TLR3: variants seen among roughly 807,000 people sequenced by gnomAD.
TLR3 encodes the protein toll-like receptor 3.
TLR3 carries 43 observed loss-of-function variants against 66.4 expected under a neutral mutation model. That is an observed-to-expected ratio of 0.65 (90% CI 0.51 to 0.83). The LOEUF is 0.83. TLR3 is among the 40% of genes least tolerant of loss of function. The pLI, the probability that TLR3 is intolerant of heterozygous loss-of-function variation, is 0.00. For synonymous variants in TLR3, 397 were observed against 397.2 expected (o/e 1.00, Z 0.01); for missense variants, 982 against 1,044.6 (o/e 0.94, Z 0.83).
rs2099304257 is a variant in TLR3, at chr4:186,085,814, A to T, written c.*941A>T. ...TAAAATAATGTGCTACGCATAAGGT[A>T]GTCCTTATCTAGAAAGACTATTTTT... On this transcript the variant is annotated 3_prime_UTR_variant, in exon 5 of 5. Coordinates refer to ENST00000296795, the MANE Select transcript of TLR3 (RefSeq NM_003265.3). The T allele has an allele frequency of 6.6e-6, 1 of 152,214 alleles. No individual in the cohort carries two copies. The highest frequency in any genetic ancestry group is 1.5e-5 in the Non-Finnish European group (1 of 68,048). The allele number at this position is 152,214 out of a possible 1,614,324, so 9.4% of individuals were successfully genotyped here.
chr4:186,081,174 C>T (rs2099303371), intron 3 of TLR3, among the ~76,000 whole-genome samples: 1 of 151,230 alleles, frequency 6.6e-6, no homozygotes, highest in Non-Finnish European at 1.5e-5. Context: ...GAGGCTGAGG[C>T]AAGAGAATCG....
Position 186,082,419 on chromosome 4 carries a change from T to C in TLR3, c.733T>C (p.Leu245=), listed in dbSNP as rs942778493. Residue 245 remains leucine (L), a synonymous_variant, in exon 4 of 5, where the codon TTA becomes CTA. Coordinates refer to ENST00000296795, the MANE Select transcript of TLR3 (RefSeq NM_003265.3). The part of the protein sequence containing the change: ...PSLTEKLCLE[L]ANTSIRNLSL... ...CCTTACAGAGAAGCTATGTTTGGAA[T>C]TAGCAAACACAAGCATTCGGAATCT... is the stretch of plus-strand genomic sequence containing the variant. 3.1e-6 allele frequency: 5 copies of C among 1,613,958 alleles called. No homozygotes were observed. Among genetic ancestry groups the C allele is most frequent in the Non-Finnish European group, 4.2e-6 (5 of 1,180,014 alleles).
intron 1 of TLR3, among the ~76,000 whole-genome samples, chr4:186,074,577 A>G (rs1327910715): frequency 6.6e-6 from 1 of 152,184 alleles, no homozygotes; most frequent in Non-Finnish European, 1.5e-5. Flanking sequence ...GACTTTATGA[A>G]CACTGCACAC....
chr4:186,080,884 G>T (rs1298593236), intron 3 of TLR3, among the ~76,000 whole-genome samples: 1 of 152,152 alleles, frequency 6.6e-6, no homozygotes. Context: ...GAGCCACCGC[G>T]CCCAGCCTGG....
chr4:186,070,920 G>T (rs1351949249), intron 1 of TLR3, among the ~76,000 whole-genome samples: 1 of 152,172 alleles, frequency 6.6e-6, no homozygotes, highest in African/African-American at 2.4e-5. Context: ...TGCCCAGGCT[G>T]GTGTTGAGCT....
chr4:186,070,965 C>T (rs763047291), intron 1 of TLR3, among the ~76,000 whole-genome samples: 49 of 152,176 alleles, frequency 3.2e-4, no homozygotes, highest in African/African-American at 1.1e-3. Flanking sequence ...TCTAAAGTGC[C>T]GGGATTGTGG....
intron 3 of TLR3, chr4:186,081,705 G>A (rs1179507718): frequency 6.5e-6 from 1 of 152,944 alleles, no homozygotes; most frequent in African/African-American, 2.4e-5. Flanking sequence ...AAAAGTACCA[G>A]GAGATGGATC....
chr4:186,080,513 T>C (rs1455651671), intron 3 of TLR3, among the ~76,000 whole-genome samples: 1 of 152,032 alleles, frequency 6.6e-6, no homozygotes. Context: ...GGCACTTAAC[T>C]GTGTGTCAAG....
At chr4:186,072,305 T>C (rs2099301616) in intron 1 of TLR3, among the ~76,000 whole-genome samples, 1 of 152,096 alleles carries the variant, frequency 6.6e-6, no homozygotes, top group Non-Finnish European at 1.5e-5. Flanking sequence ...CTTTTATTTT[T>C]TTATTATTTA....
At chr4:186,079,131 T>C (rs1217874306) in intron 3 of TLR3, 100 bp downstream of exon 3, 3 of 1,099,544 alleles carry the variant, frequency 2.7e-6, no homozygotes, top group East Asian at 5.1e-5. Flanking sequence ...AGCCTCTGCC[T>C]GTCTTCCAGC....
chr4:186,075,484 T>C (rs1211426748), intron 1 of TLR3, among the ~76,000 whole-genome samples: 1 of 151,930 alleles, frequency 6.6e-6, no homozygotes, highest in African/African-American at 2.4e-5. Flanking sequence ...TAATAAAAAA[T>C]TAGCCGGGTG....
At chr4:186,079,110 T>G in intron 3 of TLR3, 79 bp downstream of exon 3, 1 of 1,225,640 alleles carries the variant, frequency 8.2e-7, no homozygotes, top group African/African-American at 1.5e-5. Flanking sequence ...CACAGGAATG[T>G]AATGCTCTCT....
intron 1 of TLR3, among the ~76,000 whole-genome samples, chr4:186,074,966 T>C (rs1394310577): frequency 3.3e-5 from 5 of 152,096 alleles, no homozygotes; most frequent in Admixed American, 6.6e-5. Flanking sequence ...TCATCTCTTA[T>C]GACAACAGTG....
rs1262719976 is a variant in TLR3, at chr4:186,085,833, T to G, written c.*960T>G. ...TAAGGTAGTCCTTATCTAGAAAGAC[T>G]ATTTTTATTTTTGTTTTTTTGTTTG... On this transcript the variant is annotated 3_prime_UTR_variant, in exon 5 of 5. Coordinates refer to ENST00000296795, the MANE Select transcript of TLR3 (RefSeq NM_003265.3). 1.3e-5 allele frequency: 2 copies of G among 152,224 alleles called. No individual in the cohort carries two copies. The highest frequency in any genetic ancestry group is 4.8e-5 in the African/African-American group (2 of 41,452). The allele number at this position is 152,224 out of a possible 1,614,324, so 9.4% of individuals were successfully genotyped here. A position where few individuals can be genotyped will look rare whatever the true frequency, so the allele number is the denominator to read the frequency against.
chr4:186,080,101 T>C (rs558873247), intron 3 of TLR3, among the ~76,000 whole-genome samples: 1 of 152,318 alleles, frequency 6.6e-6, no homozygotes, highest in East Asian at 1.9e-4. Flanking sequence ...AATAGGACTC[T>C]GCATTTTCAC....
Position 186,086,305 on chromosome 4 carries a change from A to T in TLR3, c.*1432A>T, listed in dbSNP as rs544283791. 1 of 152,356 alleles carries T rather than the reference A, an allele frequency of 6.6e-6. No individual in the cohort carries two copies. Among genetic ancestry groups the T allele is most frequent in the South Asian group, 2.1e-4 (1 of 4,832 alleles). The allele number at this position is 152,356 out of a possible 1,614,324, so 9.4% of individuals were successfully genotyped here. On this transcript the variant is annotated 3_prime_UTR_variant, in exon 5 of 5. Coordinates refer to ENST00000296795, the MANE Select transcript of TLR3 (RefSeq NM_003265.3). Reference sequence around the variant, plus strand: ...AGAGAAACCTGAAATTATAAAGCTGAGTTAATTTCTATACCTGAAATGTTC... The same window carrying T: ...AGAGAAACCTGAAATTATAAAGCTGTGTTAATTTCTATACCTGAAATGTTC...
intron 1 of TLR3, among the ~76,000 whole-genome samples, chr4:186,074,612 A>C (rs1043523760): frequency 2.0e-5 from 3 of 152,150 alleles, no homozygotes; most frequent in African/African-American, 7.2e-5. Flanking sequence ...ACCTATTTAA[A>C]AATTTTACTT....
Position 186,084,710 on chromosome 4 carries a change from T to A in TLR3, c.2552T>A (p.Phe851Tyr). 1 of 1,614,096 alleles carries A rather than the reference T, an allele frequency of 6.2e-7. No individual in the cohort carries two copies. Among genetic ancestry groups the A allele is most frequent in the Non-Finnish European group, 8.5e-7 (1 of 1,179,982 alleles). The part of the protein sequence containing the change: ...EQNLDSIILV[F>Y]LEEIPDYKLN... ...AATCTGGATTCCATTATATTGGTTT[T>A]CCTTGAGGAGATTCCAGATTATAAA... Residue 851 changes from phenylalanine to tyrosine, a missense_variant, in exon 5 of 5, where the codon TTC (phenylalanine) becomes TAC (tyrosine). Around this residue, in one of 3 missense-constraint regions of TLR3, gnomAD observed 666 missense variants for 709.0 expected, o/e 0.94. Transcript: ENST00000296795.
intron 1 of TLR3, among the ~76,000 whole-genome samples, chr4:186,072,127 G>C (rs572465845): frequency 5.4e-4 from 82 of 152,186 alleles, no homozygotes; most frequent in Non-Finnish European, 1.0e-3. Context: ...CATTTATAAA[G>C]AAAGAGGTTC....
Sources: allele counts gnomAD v4.1 joint callset (sites outside exome capture counted in the v4.1 genomes callset), GRCh38; gene constraint gnomAD v4.1.1; regional missense constraint gnomAD v4.1.1; transcripts MANE v1.5; gene names NCBI Gene and HGNC (gene_info 2026-07-23, HGNC 2026-07-21).